The following TRIO variants were observed in gnomAD, a reference collection of about 807,000 sequenced individuals.
TRIO encodes the protein trio Rho guanine nucleotide exchange factor.
A neutral mutation model predicts 351.9 loss-of-function variants in TRIO; 58 were observed. That is an observed-to-expected ratio of 0.16 (90% CI 0.13 to 0.21). The LOEUF is 0.21. Ranked by LOEUF, TRIO falls within the 10% of genes least tolerant of loss-of-function variation. The pLI, the probability that TRIO is intolerant of heterozygous loss-of-function variation, is 1.00. For missense variants in TRIO, 3,201 were observed against 4,027.8 expected, an observed-to-expected ratio of 0.79 and a Z score of 5.56; for synonymous variants, 1,758 against 1,595.7, an observed-to-expected ratio of 1.10 and a Z score of -2.42.
At chr5:14,228,696 T>C (rs1450701377) in intron 1 of TRIO, among the ~76,000 whole-genome samples, 1 of 152,178 alleles carries the variant, frequency 6.6e-6, no homozygotes, top group Non-Finnish European at 1.5e-5. Flanking sequence ...TTGTACTTAT[T>C]GGACTATTTT....
chr5:14,354,066 C>G (rs1743390226), intron 11 of TRIO, among the ~76,000 whole-genome samples: 1 of 152,212 alleles, frequency 6.6e-6, no homozygotes, highest in African/African-American at 2.4e-5. Flanking sequence ...GGCTGCTGAT[C>G]TCCCAGTTCA....
At chr5:14,475,574 A>G (rs2126574679) in intron 40 of TRIO, among the ~76,000 whole-genome samples, 1 of 152,314 alleles carries the variant, frequency 6.6e-6, no homozygotes, top group South Asian at 2.1e-4. Context: ...TTATTTTCAT[A>G]TCCCCTGTGA....
At chr5:14,252,178 C>T (rs936217983) in intron 1 of TRIO, among the ~76,000 whole-genome samples, 22 of 152,324 alleles carry the variant, frequency 1.4e-4, no homozygotes, top group African/African-American at 4.3e-4. Flanking sequence ...ATGTAAGACT[C>T]TTTGCAGAGA....
intron 1 of TRIO, among the ~76,000 whole-genome samples, chr5:14,231,910 A>G (rs1793458826): frequency 6.6e-6 from 1 of 151,430 alleles, no homozygotes; most frequent in African/African-American, 2.4e-5. Context: ...TAAAACAAAT[A>G]CTCGTTGGGA....
intron 10 of TRIO, among the ~76,000 whole-genome samples, chr5:14,334,773 T>C (rs995890291): frequency 2.0e-5 from 3 of 152,210 alleles, no homozygotes; most frequent in Non-Finnish European, 2.9e-5. Flanking sequence ...TTCCAAGCCT[T>C]CTTCCCTGGA....
chr5:14,457,548 G>A (rs1238640389), intron 34 of TRIO, among the ~76,000 whole-genome samples: 3 of 152,082 alleles, frequency 2.0e-5, no homozygotes, highest in East Asian at 1.9e-4. Context: ...GGGGAATGAC[G>A]TATTTAATTT....
intron 1 of TRIO, among the ~76,000 whole-genome samples, chr5:14,227,034 A>G (rs140264341): frequency 1.3e-5 from 2 of 152,318 alleles, no homozygotes; most frequent in Admixed American, 6.5e-5. Flanking sequence ...TAAACTCACA[A>G]CTGCTGGGAC....
intron 1 of TRIO, among the ~76,000 whole-genome samples, chr5:14,255,980 TAAAGA>T (rs1431447451): frequency 6.6e-6 from 1 of 152,242 alleles, no homozygotes; most frequent in Non-Finnish European, 1.5e-5. Flanking sequence ...GGCAAAACTG[TAAAGA>T]AAAATAAGGA....
chr5:14,306,092 G>A (rs1009971551), intron 8 of TRIO, among the ~76,000 whole-genome samples: 6 of 152,218 alleles, frequency 3.9e-5, no homozygotes, highest in Non-Finnish European at 8.8e-5. Flanking sequence ...TTCTCAAAAT[G>A]TGTCCCTGAT....
chr5:14,425,412 T>G (rs1170190539), intron 34 of TRIO, among the ~76,000 whole-genome samples: 1 of 152,248 alleles, frequency 6.6e-6, no homozygotes, highest in Non-Finnish European at 1.5e-5. Context: ...CTGAATAGCA[T>G]CCCCTTGTAT....
Position 14,196,302 on chromosome 5 carries a change from A to T in TRIO, c.157+52420A>T, listed in dbSNP as rs559120880. Among the ~76,000 whole-genome samples the T allele has an allele frequency of 4.0e-5, 6 of 151,786 alleles. No homozygotes were observed. In the East Asian group the frequency reaches 1.2e-3, roughly 30 times the overall value. ...GCTGGGCGTGGTGGCGTGCTCCTGT[A>T]ATCCCAGCTACTCGGGAGGCTGAGG... On this transcript the variant is annotated intron_variant, in intron 1 of 56. Transcript: ENST00000344204.
chr5:14,145,349 C>T (rs558959745), intron 1 of TRIO, among the ~76,000 whole-genome samples: 1 of 152,142 alleles, frequency 6.6e-6, no homozygotes, highest in East Asian at 1.9e-4. Context: ...TTCATTTTAG[C>T]AGATTGGTTG....
chr5:14,378,078 G>A lies in TRIO; in HGVS notation c.3398G>A (p.Arg1133Gln). The change falls in exon 20 of 57, where the codon CGG (arginine) becomes CAG (glutamine). Residue 1133 changes from arginine (R) to glutamine (Q), a missense_variant. Arg to Gln is a conservative substitution (Grantham distance 43). This residue lies in a region of TRIO where 201 missense variants were observed against 266.5 expected (regional missense o/e 0.75). Coordinates refer to ENST00000344204, the MANE Select transcript of TRIO (RefSeq NM_007118.4). The part of the protein sequence containing the change: ...VLHYWTMRKR[R>Q]LDQCQQYVVF... ...CATTACTGGACCATGAGGAAGAGAC[G>A]GCTGGACCAGTGTCAGCAGTACGTG... is the stretch of plus-strand genomic sequence containing the variant. The A allele has an allele frequency of 1.9e-6, 3 of 1,613,592 alleles. No homozygotes were observed. The highest frequency in any genetic ancestry group is 2.2e-5 in the South Asian group (2 of 90,782).
intron 15 of TRIO, among the ~76,000 whole-genome samples, chr5:14,365,512 TG>T (rs1264357279): frequency 6.6e-6 from 1 of 152,218 alleles, no homozygotes; most frequent in Non-Finnish European, 1.5e-5. Flanking sequence ...TCAGAACTGT[TG>T]AAAAGAGCAC....
At chr5:14,151,374 GTGTGTGTGTGTT>G (rs1340892044) in intron 1 of TRIO, among the ~76,000 whole-genome samples, 7 of 101,856 alleles carry the variant, frequency 6.9e-5, no homozygotes, top group Non-Finnish European at 9.8e-5. Context: ...TTCATTGTGT[GTGTGTGTGTGTT>G]TGTGTGTGTG....
chr5:14,151,628 A>G (rs1787840882), intron 1 of TRIO, among the ~76,000 whole-genome samples: 2 of 152,224 alleles, frequency 1.3e-5, no homozygotes, highest in South Asian at 4.1e-4. Context: ...TTTGAAAATG[A>G]TGTGCATATG....
chr5:14,310,065 C>G (rs1350186306), intron 8 of TRIO, among the ~76,000 whole-genome samples: 2 of 152,246 alleles, frequency 1.3e-5, no homozygotes, highest in African/African-American at 4.8e-5. Context: ...CCTGGGCCTC[C>G]TGAACACTCA....
At chr5:14,468,103 G>C (rs1028694741) in intron 37 of TRIO, among the ~76,000 whole-genome samples, 5 of 152,208 alleles carry the variant, frequency 3.3e-5, no homozygotes, top group Non-Finnish European at 7.3e-5. Context: ...TGCATTTTAT[G>C]TGGTCTGTGA....
At chr5:14,327,196 C>G (rs1740462121) in intron 9 of TRIO, among the ~76,000 whole-genome samples, 1 of 152,032 alleles carries the variant, frequency 6.6e-6, no homozygotes, top group Non-Finnish European at 1.5e-5. Flanking sequence ...TGGAGTTTTG[C>G]TGTTGTAGCC....
Sources: allele counts gnomAD v4.1 joint callset (sites outside exome capture counted in the v4.1 genomes callset), GRCh38; gene constraint gnomAD v4.1.1; regional missense constraint gnomAD v4.1.1; transcripts MANE v1.5; gene names NCBI Gene and HGNC (gene_info 2026-07-23, HGNC 2026-07-21).